Variants in SERPINB1 observed in about 807,000 individuals in gnomAD.
The protein encoded by SERPINB1 is leukocyte elastase inhibitor.
A neutral mutation model predicts 25.9 loss-of-function variants in SERPINB1; 23 were observed. The ratio of observed to expected loss-of-function variants is 0.89; its 90% CI spans 0.64 to 1.26. The LOEUF is 1.26. SERPINB1 is among the 50% of genes most tolerant of loss of function. SERPINB1 has a pLI of 0.00. For synonymous variants in SERPINB1, 178 were observed against 178.7 expected, an observed-to-expected ratio of 1.00 and a Z score of 0.03; for missense variants, 399 against 463.6, an observed-to-expected ratio of 0.86 and a Z score of 1.28.
Position 2,840,465 on chromosome 6 carries a change from A to G in SERPINB1, c.122T>C (p.Met41Thr). Reference protein sequence around the residue: ...SPFSISSAMAMVFLGTRGNTA... With the variant: ...SPFSISSAMATVFLGTRGNTA... ...GTTACCTCTGGTCCCCAGAAAAACCATGGCCATAGCAGATGAAATGCTGAA... is the reference window on the plus strand; with the variant it reads ...GTTACCTCTGGTCCCCAGAAAAACCGTGGCCATAGCAGATGAAATGCTGAA... Residue 41 changes from methionine to threonine, a missense_variant, in exon 2 of 7, where the codon ATG (methionine) becomes ACG (threonine). Transcript: ENST00000380739. 1.2e-6 allele frequency: 2 copies of G among 1,614,116 alleles called. No individual in the cohort carries two copies. The highest frequency in any genetic ancestry group is 1.7e-6 in the Non-Finnish European group (2 of 1,180,020).
intron 2 of SERPINB1, 23 bp downstream of exon 2, chr6:2,840,396 C>G: frequency 6.2e-7 from 1 of 1,613,230 alleles, no homozygotes; most frequent in South Asian, 1.1e-5. Flanking sequence ...GGAAAGCAGA[C>G]CCTTTTTTTT....
At chr6:2,838,418 G>T in intron 3 of SERPINB1, 131 bp downstream of exon 3, 1 of 807,632 alleles carries the variant, frequency 1.2e-6, no homozygotes, top group Non-Finnish European at 1.8e-6. Context: ...TATTGTTTTT[G>T]CCATGTTTGC....
rs1001172880 is a variant in SERPINB1, at chr6:2,840,334, G to A, written c.168+85C>T. 10 of 1,504,104 alleles carry A rather than the reference G, an allele frequency of 6.6e-6. No individual in the cohort carries two copies. In the African/African-American group the frequency reaches 9.8e-5, roughly 15 times the overall value. 93.2% of individuals were successfully genotyped at this position (1,504,104 alleles called of 1,614,324 possible). A position where few individuals can be genotyped will look rare whatever the true frequency, so the allele number is the denominator to read the frequency against. On this transcript the variant is annotated intron_variant, in intron 2 of 6. Transcript: ENST00000380739. ...ACAGTTCTGAAAACACAAGGTAAGA[G>A]CTCAAAGGCACAACCTTTCCATGCA...
chr6:2,833,548 T>A lies in SERPINB1; in HGVS notation c.*60A>T. The A allele has an allele frequency of 6.9e-7, 1 of 1,448,616 alleles. No individual in the cohort carries two copies. The highest frequency in any genetic ancestry group is 2.3e-5 in the East Asian group (1 of 43,658). 89.7% of individuals were successfully genotyped at this position (1,448,616 alleles called of 1,614,324 possible). The stretch of plus-strand genomic sequence containing the variant: ...AAAGATATAAGACATATTGGCTCTA[T>A]TAAAAACTCAGGTAATAAAGCACTA... On this transcript the variant is annotated 3_prime_UTR_variant, in exon 7 of 7. Coordinates refer to ENST00000380739, the MANE Select transcript of SERPINB1 (RefSeq NM_030666.4).
chr6:2,833,704 G>T lies in SERPINB1; in HGVS notation c.1044C>A (p.Pro348=). ...AGIATFCMLM[P]EENFTADHPF... ...GATGGTCGGCAGTGAAATTTTCTTC[G>T]GGCATCAACATGCAGAAAGTTGCGA... The change falls in exon 7 of 7, where the codon CCC becomes CCA. Residue 348 remains proline (P), a synonymous_variant. Coordinates refer to ENST00000380739, the MANE Select transcript of SERPINB1 (RefSeq NM_030666.4). 6.2e-7 allele frequency: 1 copy of T among 1,614,076 alleles called. No individual in the cohort carries two copies. The highest frequency in any genetic ancestry group is 8.5e-7 in the Non-Finnish European group (1 of 1,180,010).
intron 1 of SERPINB1, 42 bp from the exon 2 acceptor site, chr6:2,840,636 G>A (rs550909748): frequency 4.5e-6 from 7 of 1,542,872 alleles, no homozygotes; most frequent in South Asian, 2.4e-5. Context: ...CACTGCCCAC[G>A]CCAGCAGATT....
At position 2,833,339 on chromosome 6, in the gene SERPINB1, C is replaced by G. The variant is rs1388189857; in HGVS notation, c.*269G>C. 8.6e-6 allele frequency: 3 copies of G among 347,656 alleles called. No individual in the cohort carries two copies. The highest frequency in any genetic ancestry group is 1.5e-5 in the Non-Finnish European group (3 of 193,638). 21.5% of individuals were successfully genotyped at this position (347,656 alleles called of 1,614,324 possible). A position where few individuals can be genotyped will look rare whatever the true frequency, so the allele number is the denominator to read the frequency against. ...TATAGATTACTACATGGTCAAGAAT[C>G]TACGCATCGGATGTATTCTTTTCTT... On this transcript the variant is annotated 3_prime_UTR_variant, in exon 7 of 7. Transcript: ENST00000380739.
chr6:2,840,540 A>G lies in SERPINB1; in HGVS notation c.47T>C (p.Phe16Ser). ...SANTRFALDLFLALSENNPAG... is the reference protein window; with the variant it reads ...SANTRFALDLSLALSENNPAG... ...CGGATTGTTCTCACTCAACGCCAGGAACAGGTCCAAGGCGAAGCGGGTGTT... is the reference window on the plus strand; with the variant it reads ...CGGATTGTTCTCACTCAACGCCAGGGACAGGTCCAAGGCGAAGCGGGTGTT... The change falls in exon 2 of 7, where the codon TTC (phenylalanine) becomes TCC (serine). Residue 16 changes from phenylalanine to serine, a missense_variant. Physicochemically the swap from Phe to Ser is radical, Grantham distance 155 (BLOSUM62 -2). Coordinates refer to ENST00000380739, the MANE Select transcript of SERPINB1 (RefSeq NM_030666.4). 1 of 1,614,198 alleles carries G rather than the reference A, an allele frequency of 6.2e-7. No homozygotes were observed. The highest frequency in any genetic ancestry group is 8.5e-7 in the Non-Finnish European group (1 of 1,180,044).
chr6:2,839,499 G>GT (rs200439477), intron 2 of SERPINB1: 94,513 of 744,786 alleles, frequency 0.13, 1 homozygote, highest in Non-Finnish European at 0.14. Flanking sequence ...AGTAACAGAG[G>GT]TTTTTTTTTT....
rs1185890788 is a variant in SERPINB1 at position 2,832,390 on chromosome 6, G to A, written c.*1218C>T. On this transcript the variant is annotated 3_prime_UTR_variant, in exon 7 of 7. Coordinates refer to ENST00000380739, the MANE Select transcript of SERPINB1 (RefSeq NM_030666.4). Reference sequence around the variant, plus strand: ...CATGATGCCCACTATCCTTGTGGGAGCAAGAATATGCGGCGTTTCAAGCTC... The same window carrying A: ...CATGATGCCCACTATCCTTGTGGGAACAAGAATATGCGGCGTTTCAAGCTC... 6.6e-6 allele frequency: 1 copy of A among 152,200 alleles called. No homozygotes were observed. Among genetic ancestry groups the A allele is most frequent in the African/African-American group, 2.4e-5 (1 of 41,440 alleles). The allele number at this position is 152,200 out of a possible 1,614,324, so 9.4% of individuals were successfully genotyped here.
Position 2,838,510 on chromosome 6 carries a change from T to A in SERPINB1, c.306+39A>T, listed in dbSNP as rs767086925. 1.9e-6 allele frequency: 3 copies of A among 1,541,294 alleles called. No homozygotes were observed. The Admixed American group carries it at 6.0e-5, about 31-fold the overall frequency. ...ATTGTGCTGGAAAATATCTGCACTGTCTAGTGGGGTTTTAGAATGTGAAGG... is the reference window on the plus strand; with the variant it reads ...ATTGTGCTGGAAAATATCTGCACTGACTAGTGGGGTTTTAGAATGTGAAGG... On this transcript the variant is annotated intron_variant, in intron 3 of 6. Coordinates refer to ENST00000380739, the MANE Select transcript of SERPINB1 (RefSeq NM_030666.4).
chr6:2,833,750 G>A lies in SERPINB1; in HGVS notation c.998C>T (p.Ala333Val), dbSNP rs766010056. Residue 333 changes from alanine to valine, a missense_variant, in exon 7 of 7, where the codon GCG becomes GTG. Transcript: ENST00000380739. Reference protein sequence around the residue: ...FVEVNEEGTEAAAATAGIATF... With the variant: ...FVEVNEEGTEVAAATAGIATF... ...TGCGATGCCTGCTGTGGCAGCTGCC[G>A]CCTCTGTTCCCTCTTCATTCACTTC... 1.4e-5 allele frequency: 23 copies of A among 1,613,990 alleles called. No individual in the cohort carries two copies. The highest frequency in any genetic ancestry group is 4.5e-5 in the East Asian group (2 of 44,898).
chr6:2,840,290 A>T, intron 2 of SERPINB1, 129 bp downstream of exon 2: 1 of 1,130,764 alleles, frequency 8.8e-7, no homozygotes, highest in South Asian at 1.4e-5. Flanking sequence ...CTTTTCTGAA[A>T]GTCTGATCTC....
intron 2 of SERPINB1, chr6:2,839,451 A>G: frequency 1.0e-6 from 1 of 985,354 alleles, no homozygotes; most frequent in African/African-American, 1.7e-5. Flanking sequence ...ACCTCAAGCT[A>G]GGAACTGATA....
rs7741254 is a variant in SERPINB1 at position 2,836,105 on chromosome 6, C to T, written c.567+3G>A. On this transcript the variant is annotated splice_donor_region_variant and intron_variant, in intron 5 of 6. Coordinates refer to ENST00000380739, the MANE Select transcript of SERPINB1 (RefSeq NM_030666.4). Reference sequence around the variant, plus strand: ...ATGACTCTGTACAGTTACCTCACCTCACCTTATTCAATCTGAATGGTGCAT... The same window carrying T: ...ATGACTCTGTACAGTTACCTCACCTTACCTTATTCAATCTGAATGGTGCAT... 4.5e-3 allele frequency: 7,315 copies of T among 1,613,926 alleles called. 303 individuals are homozygous for T. In the African/African-American group the frequency reaches 0.087, roughly 19 times the overall value.
In SERPINB1 at chr6:2,837,821, G is replaced by A. The variant is rs960973226; in HGVS notation, c.424+61C>T. 20 of 1,251,868 alleles carry A rather than the reference G, an allele frequency of 1.6e-5. No individual in the cohort carries two copies. Among genetic ancestry groups the A allele is most frequent in the Admixed American group, 1.4e-4 (8 of 58,366 alleles). 77.5% of individuals were successfully genotyped at this position (1,251,868 alleles called of 1,614,324 possible). The stretch of plus-strand genomic sequence containing the variant: ...GGGAATAACTGCAGGTAGGGAAGGC[G>A]GACTGAGGAAACGAATGACATGACC... On this transcript the variant is annotated intron_variant, in intron 4 of 6. Coordinates refer to ENST00000380739, the MANE Select transcript of SERPINB1 (RefSeq NM_030666.4). The surrounding 1 kb of genome is among the most constrained non-coding windows in gnomAD (Gnocchi z 4.3).
At position 2,841,637 on chromosome 6, in the gene SERPINB1, G is replaced by C. The variant is rs967118916; in HGVS notation, c.-9+175C>G. The C allele has an allele frequency of 2.0e-5, 3 of 152,206 alleles. No individual in the cohort carries two copies. Among genetic ancestry groups the C allele is most frequent in the Non-Finnish European group, 2.9e-5 (2 of 68,210 alleles). The allele number at this position is 152,206 out of a possible 1,614,324, so 9.4% of individuals were successfully genotyped here. ...GGATCAGAGGTCGTCTGTCTCCGTC[G>C]GGGCGCCCGGAAGGGATGGGGGCGC... On this transcript the variant is annotated intron_variant, in intron 1 of 6. Transcript: ENST00000380739. The surrounding 1 kb of genome is among the most constrained non-coding windows in gnomAD (Gnocchi z 4.5).
chr6:2,834,685 T>G (rs1412545683), intron 6 of SERPINB1, among the ~76,000 whole-genome samples: 1 of 152,228 alleles, frequency 6.6e-6, no homozygotes, highest in Non-Finnish European at 1.5e-5. Flanking sequence ...TTTAAAATAT[T>G]TCTTCTATTT....
chr6:2,836,125 G>A lies in SERPINB1; in HGVS notation c.550C>T (p.Pro184Ser), dbSNP rs1202598977. The A allele has an allele frequency of 1.2e-6, 2 of 1,613,914 alleles. No individual in the cohort carries two copies. The highest frequency in any genetic ancestry group is 1.1e-5 in the South Asian group (1 of 91,030). Residue 184 changes from proline to serine, a missense_variant, in exon 5 of 7, where the codon CCA (proline) becomes TCA (serine). Transcript: ENST00000380739. Reference sequence around the variant, plus strand: ...CACCTCACCTTATTCAATCTGAATGGTGCATTCGTCGTGGCTTCTTTCATG... The same window carrying A: ...CACCTCACCTTATTCAATCTGAATGATGCATTCGTCGTGGCTTCTTTCATG... ...KFMKEATTNA[P>S]FRLNKKDRKT...
Sources: gnomAD v4.1 joint callset for allele counts (sites outside exome capture counted in the v4.1 genomes callset) on GRCh38, gnomAD v4.1.1 for gene constraint, Gnocchi (gnomAD v3.1) non-coding constraint, MANE v1.5 for transcripts, NCBI Gene and HGNC (gene_info 2026-07-23, HGNC 2026-07-21) for gene names.